The following FAM53A variants were observed in gnomAD, a reference collection of about 807,000 sequenced individuals.
The protein encoded by FAM53A is family with sequence similarity 53 member A.
FAM53A carries 28 observed loss-of-function variants against 26.6 expected under a neutral mutation model. The observed-to-expected ratio is 1.05, with a 90% CI of 0.78 to 1.45. The LOEUF (loss-of-function observed/expected upper bound fraction) is 1.45, where lower values mean the gene tolerates loss of function less well. FAM53A is among the 40% of genes most tolerant of loss of function. FAM53A has a pLI of 0.00. For synonymous variants in FAM53A, 290 were observed against 253.1 expected (o/e 1.15, Z -1.38); for missense variants, 650 against 575.8 (o/e 1.13, Z -1.32).
chr4:1,576,592 A>G, the FAM53A span, among the ~76,000 whole-genome samples: 1 of 152,274 alleles, frequency 6.6e-6, no homozygotes, highest in African/African-American at 2.4e-5. Flanking sequence ...AATTGAAATT[A>G]CATTTGTAAA....
At chr4:1,650,573 C>T (rs1022402660) in intron 4 of FAM53A, among the ~76,000 whole-genome samples, 23 of 152,086 alleles carry the variant, frequency 1.5e-4, no homozygotes, top group African/African-American at 4.8e-4. Flanking sequence ...CTCAGTTCAC[C>T]GCAACCTCCG....
intron 1 of FAM53A, among the ~76,000 whole-genome samples, chr4:1,624,704 G>A (rs1184167132): frequency 6.6e-6 from 1 of 152,222 alleles, no homozygotes; most frequent in Non-Finnish European, 1.5e-5. Context: ...GGGTCTGGCT[G>A]AGAAGGCACC....
chr4:1,654,557 C>T (rs1428453334), intron 4 of FAM53A, among the ~76,000 whole-genome samples: 1 of 152,262 alleles, frequency 6.6e-6, no homozygotes, highest in African/African-American at 2.4e-5. Flanking sequence ...CAAGAGAGGA[C>T]CCCGGGCTCT....
chr4:1,585,066 G>GTAACAAATTTAGCTAAA, the FAM53A span, among the ~76,000 whole-genome samples: 1 of 152,138 alleles, frequency 6.6e-6, no homozygotes, highest in African/African-American at 2.4e-5. Context: ...ATTTAGCTAA[G>GTAACAAATTTAGCTAAA]TAACAAATTT....
the FAM53A span, among the ~76,000 whole-genome samples, chr4:1,611,906 G>A: frequency 5.3e-5 from 8 of 152,212 alleles, no homozygotes; most frequent in Non-Finnish European, 8.8e-5. Context: ...GTGCCTGGCA[G>A]GGGAGGTGGT....
downstream of FAM53A, among the ~76,000 whole-genome samples, chr4:1,636,150 A>G (rs1254505160): frequency 6.6e-6 from 1 of 152,134 alleles, no homozygotes; most frequent in African/African-American, 2.4e-5. Flanking sequence ...CCCGGCCATG[A>G]TACTAATTCT....
At chr4:1,636,464 T>C (rs1157763953), downstream of FAM53A, among the ~76,000 whole-genome samples, 2 of 152,226 alleles carry the variant, frequency 1.3e-5, no homozygotes, top group African/African-American at 4.8e-5. Flanking sequence ...CAGCTAACTT[T>C]GTGGTGTTGC....
the FAM53A span, among the ~76,000 whole-genome samples, chr4:1,590,967 T>C: frequency 4.0e-3 from 414 of 102,746 alleles, 8 homozygotes; most frequent in Middle Eastern, 0.042. Flanking sequence ...TATATATATA[T>C]ATATATATAT....
chr4:1,685,047 C>T (rs1401070207), upstream of FAM53A, among the ~76,000 whole-genome samples: 1 of 152,118 alleles, frequency 6.6e-6, no homozygotes, highest in Non-Finnish European at 1.5e-5. Flanking sequence ...GGAAGGGGGT[C>T]CCTGCCTCCC....
At chr4:1,664,345 G>A (rs983283571) in intron 2 of FAM53A, among the ~76,000 whole-genome samples, 1 of 152,140 alleles carries the variant, frequency 6.6e-6, no homozygotes, top group Non-Finnish European at 1.5e-5. Flanking sequence ...AGCTAACAGC[G>A]CCCGCCTCGC....
At chr4:1,662,631 C>T (rs1046251642) in intron 2 of FAM53A, among the ~76,000 whole-genome samples, 2 of 101,268 alleles carry the variant, frequency 2.0e-5, no homozygotes, top group Non-Finnish European at 3.9e-5. Flanking sequence ...GCCTGGGCAA[C>T]AAAGCAAGGC....
At position 1,641,541 on chromosome 4, in the gene FAM53A, C is replaced by G. The variant is rs74515243; in HGVS notation, c.949G>C (p.Val317Leu). 2.5e-4 allele frequency: 407 copies of G among 1,614,200 alleles called. No homozygotes were observed. Among genetic ancestry groups the G allele is most frequent in the Non-Finnish European group, 3.3e-4 (387 of 1,180,008 alleles). ...YEDDDEDDTP[V>L]KTVLSSPCDS... ...CATGGGGAGGACAGAACCGTCTTCA[C>G]TGGGGTGTCATCCTCATCGTCATCT... is the stretch of plus-strand genomic sequence containing the variant. The change falls in exon 5 of 5, where the codon GTG (valine) becomes CTG (leucine). Residue 317 changes from valine (V) to leucine (L), a missense_variant. Transcript: ENST00000308132.
At chr4:1,600,254 C>A in the FAM53A span, among the ~76,000 whole-genome samples, 25 of 152,292 alleles carry the variant, frequency 1.6e-4, no homozygotes, top group African/African-American at 6.0e-4. Context: ...GGCTCCTCTG[C>A]AGAGGAGGGC....
chr4:1,643,414 C>T (rs992147445), intron 4 of FAM53A, among the ~76,000 whole-genome samples: 2 of 151,542 alleles, frequency 1.3e-5, no homozygotes, highest in Admixed American at 6.6e-5. Context: ...TGCAGTGAGC[C>T]GAGATTGGGC....
intron 3 of FAM53A, among the ~76,000 whole-genome samples, chr4:1,656,802 C>T (rs1455617338): frequency 6.6e-6 from 1 of 152,152 alleles, no homozygotes; most frequent in Non-Finnish European, 1.5e-5. Flanking sequence ...GCCCACTCTG[C>T]GTGACACAGG....
At position 1,641,397 on chromosome 4, in the gene FAM53A, G is replaced by A. The variant is rs566928749; in HGVS notation, c.1093C>T (p.Arg365Cys). Residue 365 changes from arginine (R) to cysteine (C), a missense_variant, in exon 5 of 5, where the codon CGC becomes TGC. Arg to Cys is a radical substitution (Grantham distance 180). Coordinates refer to ENST00000308132, the MANE Select transcript of FAM53A (RefSeq NM_001174070.3). ...TCACGGGGGTCCCCGCTGCTCCTGC[G>A]GGAGCCATCACTGGTCACCGACTCC... ...SRESVTSDGS[R>C]RSSGDPRDGD... is the part of the protein sequence containing the mutation. 4.7e-5 allele frequency: 75 copies of A among 1,611,090 alleles called. No homozygotes were observed. Among genetic ancestry groups the A allele is most frequent in the South Asian group, 4.6e-4 (42 of 90,804 alleles).
At chr4:1,665,340 T>C (rs1000084510) in intron 2 of FAM53A, among the ~76,000 whole-genome samples, 1 of 146,576 alleles carries the variant, frequency 6.8e-6, no homozygotes, top group African/African-American at 2.5e-5. Flanking sequence ...AATTAAAAAA[T>C]AGGTTGGGCA....
At chr4:1,607,953 A>C in the FAM53A span, among the ~76,000 whole-genome samples, 1 of 151,102 alleles carries the variant, frequency 6.6e-6, no homozygotes, top group Non-Finnish European at 1.5e-5. Flanking sequence ...AAAAAAAAAA[A>C]ACACCAAAAG....
chr4:1,666,899 G>A (rs1345069681), intron 2 of FAM53A, among the ~76,000 whole-genome samples: 3 of 152,232 alleles, frequency 2.0e-5, no homozygotes, highest in African/African-American at 7.2e-5. Context: ...GGAGGCCGAG[G>A]CAGGCAGATC....
Sources: allele counts gnomAD v4.1 joint callset (sites outside exome capture counted in the v4.1 genomes callset), GRCh38; gene constraint gnomAD v4.1.1; transcripts MANE v1.5; gene names NCBI Gene and HGNC (gene_info 2026-07-23, HGNC 2026-07-21).